The following CA10 variants were observed in gnomAD, a reference collection of about 807,000 sequenced individuals.
The protein encoded by CA10 is carbonic anhydrase 10 (inactive), also known as carbonic anhydrase-related protein 10.
A neutral mutation model predicts 44.2 loss-of-function variants in CA10; 14 were observed. The ratio of observed to expected loss-of-function variants is 0.32; its 90% confidence interval spans 0.21 to 0.50. The LOEUF is 0.50. Ranked by LOEUF, CA10 falls within the 20% of genes least tolerant of loss-of-function variation. CA10 has a pLI of 0.99. For synonymous variants in CA10, 159 were observed against 141.6 expected (o/e 1.12, Z -0.87); for missense variants, 350 against 409.7 (o/e 0.85, Z 1.26).
chr17:51,733,468 G>A (rs1459337607), intron 4 of CA10, among the ~76,000 whole-genome samples: 1 of 152,120 alleles, frequency 6.6e-6, no homozygotes, highest in Non-Finnish European at 1.5e-5. Flanking sequence ...CTTGTTTTGA[G>A]TGCTTTGGAA....
At chr17:52,074,995 G>C (rs1453997442) in intron 1 of CA10, among the ~76,000 whole-genome samples, 1 of 152,102 alleles carries the variant, frequency 6.6e-6, no homozygotes, top group African/African-American at 2.4e-5. Flanking sequence ...ATAGTCTCTA[G>C]AGTTGCTTTC....
chr17:51,909,432 G>C (rs1981699698), intron 3 of CA10, among the ~76,000 whole-genome samples: 1 of 152,074 alleles, frequency 6.6e-6, no homozygotes, highest in Non-Finnish European at 1.5e-5. Flanking sequence ...AGAGGTAAAT[G>C]CTACAAATTT....
At chr17:51,666,504 T>A (rs1268060305) in intron 4 of CA10, among the ~76,000 whole-genome samples, 1 of 152,190 alleles carries the variant, frequency 6.6e-6, no homozygotes, top group Non-Finnish European at 1.5e-5. Context: ...GACCCTTTAC[T>A]GTAGCGCCTT....
At chr17:52,058,219 ATGGTACAATTGATCAGGTTG>A (rs1169106443) in intron 2 of CA10, among the ~76,000 whole-genome samples, 5 of 152,168 alleles carry the variant, frequency 3.3e-5, no homozygotes, top group South Asian at 2.1e-4. Flanking sequence ...GAACTCAGTA[ATGGTACAATTGATCAGGTTG>A]CTTTTATACA....
intron 2 of CA10, among the ~76,000 whole-genome samples, chr17:52,012,774 C>T (rs1985839626): frequency 6.6e-6 from 1 of 151,376 alleles, no homozygotes; most frequent in African/African-American, 2.4e-5. Flanking sequence ...AAGTAGAAAA[C>T]TGGAGAATGA....
At chr17:51,634,683 C>T (rs767149776) in intron 7 of CA10, among the ~76,000 whole-genome samples, 2 of 151,870 alleles carry the variant, frequency 1.3e-5, no homozygotes, top group Non-Finnish European at 2.9e-5. Context: ...GTGAGATGAT[C>T]CAAAAAAAAC....
chr17:51,933,984 G>A (rs138361960), intron 2 of CA10, among the ~76,000 whole-genome samples: 6 of 152,082 alleles, frequency 3.9e-5, no homozygotes, highest in South Asian at 2.1e-4. Flanking sequence ...TCTTTATGAC[G>A]AACAGTTTCG....
At chr17:51,717,529 G>GTATATATATA (rs3031848) in intron 4 of CA10, among the ~76,000 whole-genome samples, 86 of 50,166 alleles carry the variant, frequency 1.7e-3, no homozygotes, top group African/African-American at 4.9e-3. Context: ...AAAGAAACTG[G>GTATATATATA]TATATATATA....
At chr17:51,695,561 G>A (rs1374950784) in intron 4 of CA10, among the ~76,000 whole-genome samples, 1 of 152,164 alleles carries the variant, frequency 6.6e-6, no homozygotes, top group African/African-American at 2.4e-5. Flanking sequence ...AGTGCCAGGA[G>A]CTTTTTGACA....
chr17:51,955,842 G>C (rs1266870083), intron 2 of CA10, among the ~76,000 whole-genome samples: 5 of 151,878 alleles, frequency 3.3e-5, no homozygotes, highest in Non-Finnish European at 7.4e-5. Context: ...TAGGGGGAAA[G>C]GGGAGGGAGA....
At chr17:52,077,283 G>A (rs1387953238) in intron 1 of CA10, among the ~76,000 whole-genome samples, 2 of 152,176 alleles carry the variant, frequency 1.3e-5, no homozygotes, top group Admixed American at 6.5e-5. Context: ...TTTCTGGATG[G>A]AACAGAGGCT....
chr17:51,991,283 T>A (rs1389626543), intron 2 of CA10, among the ~76,000 whole-genome samples: 1 of 152,130 alleles, frequency 6.6e-6, no homozygotes, highest in Non-Finnish European at 1.5e-5. Flanking sequence ...TTATCCCTAT[T>A]TTAAACTTTC....
At position 51,931,059 on chromosome 17, in the gene CA10, G is replaced by A. The variant is rs1457782622; in HGVS notation, c.210C>T (p.Asn70=). The A allele has an allele frequency of 1.9e-6, 3 of 1,613,554 alleles. No individual in the cohort carries two copies. The highest frequency in any genetic ancestry group is 2.5e-6 in the Non-Finnish European group (3 of 1,179,736). Residue 70 remains asparagine (N), a synonymous_variant, in exon 3 of 9, where the codon AAC becomes AAT. Coordinates refer to ENST00000451037, the MANE Select transcript of CA10 (RefSeq NM_020178.5). ...CSVGKRQSPV[N]IETSHMIFDP... ...CGAAGATCATGTGACTGGTCTCTAT[G>A]TTGACTGGCGACTGCCGTTTCCCCA...
intron 3 of CA10, among the ~76,000 whole-genome samples, chr17:51,781,552 G>A (rs966821242): frequency 1.3e-5 from 2 of 152,178 alleles, no homozygotes; most frequent in African/African-American, 4.8e-5. Context: ...CATTAATAAT[G>A]ATGAAAATCT....
chr17:51,743,648 A>T (rs1000331463), intron 4 of CA10, among the ~76,000 whole-genome samples: 9 of 152,256 alleles, frequency 5.9e-5, no homozygotes, highest in African/African-American at 1.9e-4. Flanking sequence ...TCTTCAGATA[A>T]CGACTGTTGC....
At chr17:51,646,633 C>T (rs11653922) in intron 6 of CA10, among the ~76,000 whole-genome samples, 8,031 of 152,202 alleles carry the variant, frequency 0.053, 268 homozygotes, top group Middle Eastern at 0.082. Flanking sequence ...TGGAAAGCCT[C>T]GGGAGGGACT....
In CA10 at chr17:51,801,924, A is replaced by T. The variant is rs141612785; in HGVS notation, c.280-54106T>A. On this transcript the variant is annotated intron_variant, in intron 3 of 8. Transcript: ENST00000451037. ...TTTCATTACCGAAGACACTGCTCAGAGAACAATTACTGATAGACCCCAACT... is the reference window on the plus strand; with the variant it reads ...TTTCATTACCGAAGACACTGCTCAGTGAACAATTACTGATAGACCCCAACT... Among the ~76,000 whole-genome samples, 367 of 152,340 alleles carry T rather than the reference A, an allele frequency of 2.4e-3. 3 individuals are homozygous for T. Among genetic ancestry groups the T allele is most frequent in the African/African-American group, 8.2e-3 (343 of 41,584 alleles).
At chr17:52,108,432 C>G (rs1352691327) in intron 1 of CA10, among the ~76,000 whole-genome samples, 2 of 151,410 alleles carry the variant, frequency 1.3e-5, no homozygotes, top group Non-Finnish European at 2.9e-5. Flanking sequence ...GGCGCAGTGG[C>G]TCACGCCTGT....
intron 2 of CA10, among the ~76,000 whole-genome samples, chr17:52,060,467 T>C (rs182338392): frequency 1.3e-5 from 2 of 152,290 alleles, no homozygotes; most frequent in Non-Finnish European, 2.9e-5. Flanking sequence ...TTTTGACAAA[T>C]GTATTGCTAA....
Sources: gnomAD v4.1 joint callset for allele counts (sites outside exome capture counted in the v4.1 genomes callset) on GRCh38, gnomAD v4.1.1 for gene constraint, MANE v1.5 for transcripts, NCBI Gene and HGNC (gene_info 2026-07-23, HGNC 2026-07-21) for gene names.